The following CNGB3 variants were observed in gnomAD, a reference collection of about 807,000 sequenced individuals.
CNGB3 encodes cyclic nucleotide gated channel subunit beta 3, also known as cyclic nucleotide-gated channel beta-3.
Under a neutral mutation model 92.8 loss-of-function variants are expected in CNGB3, and 86 were observed. The ratio of observed to expected loss-of-function variants is 0.93; its 90% CI spans 0.78 to 1.11. The LOEUF (loss-of-function observed/expected upper bound fraction) is 1.11, where lower values mean the gene tolerates loss of function less well. CNGB3 is among the 50% of genes least tolerant of loss of function. The pLI, the probability that CNGB3 is intolerant of heterozygous loss-of-function variation, is 0.00. For missense variants in CNGB3, 1,026 were observed against 956.8 expected (o/e 1.07, Z -0.95); for synonymous variants, 333 against 332.7 (o/e 1.00, Z -0.01).
chr8:86,714,959 C>T (rs1034441589), intron 3 of CNGB3, among the ~76,000 whole-genome samples: 1 of 152,082 alleles, frequency 6.6e-6, no homozygotes, highest in Non-Finnish European at 1.5e-5. Context: ...GGAAACCACA[C>T]TCCCATCCCC....
At chr8:86,664,807 C>T (rs899027245) in intron 6 of CNGB3, among the ~76,000 whole-genome samples, 7 of 152,040 alleles carry the variant, frequency 4.6e-5, no homozygotes, top group Non-Finnish European at 4.4e-5. Context: ...AGGTGTTCTA[C>T]GTACTTGTGA....
chr8:86,694,476 G>A lies in CNGB3; in HGVS notation c.339-23378C>T, dbSNP rs532755086. Among the ~76,000 whole-genome samples, 5 of 151,718 alleles carry A rather than the reference G, an allele frequency of 3.3e-5. No homozygotes were observed. The East Asian group carries it at 7.9e-4, about 24-fold the overall frequency. On this transcript the variant is annotated intron_variant, in intron 3 of 17. Coordinates refer to ENST00000320005, the MANE Select transcript of CNGB3 (RefSeq NM_019098.5). ...TCACTTCCCAGACGGGGTGGCTGCC[G>A]GACGGAGGGTCTCCTCACTTCTCAG... is the stretch of plus-strand genomic sequence containing the variant.
chr8:86,740,914 G>A (rs758796952), intron 1 of CNGB3, among the ~76,000 whole-genome samples: 1 of 152,098 alleles, frequency 6.6e-6, no homozygotes, highest in African/African-American at 2.4e-5. Context: ...AAGTCCTTTT[G>A]CATCGTTATG....
chr8:86,642,242 A>G (rs1823202925), intron 10 of CNGB3, among the ~76,000 whole-genome samples: 1 of 151,764 alleles, frequency 6.6e-6, no homozygotes, highest in Non-Finnish European at 1.5e-5. Context: ...AAAAACAGCT[A>G]TCAGCCACAG....
At chr8:86,660,760 T>A in intron 6 of CNGB3, 1 of 524,600 alleles carries the variant, frequency 1.9e-6, no homozygotes, top group Non-Finnish European at 3.9e-6. Context: ...GTAACACCAC[T>A]CAAACAAATG....
intron 8 of CNGB3, 53 bp from the exon 9 acceptor site, chr8:86,644,739 A>T: frequency 8.5e-7 from 1 of 1,169,982 alleles, no homozygotes; most frequent in Non-Finnish European, 1.1e-6. Context: ...AAATATATAT[A>T]TTTAAATAAA....
intron 6 of CNGB3, chr8:86,658,298 C>T: frequency 2.0e-6 from 1 of 504,964 alleles, no homozygotes; most frequent in Non-Finnish European, 3.7e-6. Flanking sequence ...CCTCCCGACT[C>T]TCCAGTTCCT....
rs1314695697 is a variant in CNGB3, at chr8:86,685,357, T to G, written c.339-14259A>C. Among the ~76,000 whole-genome samples, 4 of 152,202 alleles carry G rather than the reference T, an allele frequency of 2.6e-5. No homozygotes were observed. In the East Asian group the frequency reaches 7.7e-4, roughly 29 times the overall value. On this transcript the variant is annotated intron_variant, in intron 3 of 17. Coordinates refer to ENST00000320005, the MANE Select transcript of CNGB3 (RefSeq NM_019098.5). Reference sequence around the variant, plus strand: ...TCCCCTGAGCACTTGTCTGGGCCCCTTCCTAGGCCTATTGAATCAGAATCT... The same window carrying G: ...TCCCCTGAGCACTTGTCTGGGCCCCGTCCTAGGCCTATTGAATCAGAATCT...
chr8:86,694,270 A>AG (rs888649476), intron 3 of CNGB3, among the ~76,000 whole-genome samples: 2 of 139,326 alleles, frequency 1.4e-5, no homozygotes, highest in African/African-American at 5.5e-5. Context: ...GGCCGGGCAA[A>AG]GGGGCTCCTC....
At chr8:86,598,897 A>G (rs1459521548) in intron 15 of CNGB3, among the ~76,000 whole-genome samples, 3 of 152,162 alleles carry the variant, frequency 2.0e-5, no homozygotes, top group African/African-American at 4.8e-5. Context: ...GTTAGGTCAC[A>G]TACACAAGTT....
At chr8:86,661,884 AC>A (rs1488162617) in intron 6 of CNGB3, 4 of 929,048 alleles carry the variant, frequency 4.3e-6, no homozygotes, top group Non-Finnish European at 5.3e-6. Flanking sequence ...ATCACAGTCC[AC>A]AAACCATATT....
chr8:86,694,379 G>A (rs1490904253), intron 3 of CNGB3, among the ~76,000 whole-genome samples: 1 of 151,268 alleles, frequency 6.6e-6, no homozygotes, highest in Non-Finnish European at 1.5e-5. Flanking sequence ...CTCCCGGACG[G>A]GGTGGCTGGC....
At chr8:86,696,141 A>T (rs1824445783) in intron 3 of CNGB3, among the ~76,000 whole-genome samples, 1 of 152,178 alleles carries the variant, frequency 6.6e-6, no homozygotes, top group Admixed American at 6.5e-5. Context: ...GCTAGCAGTC[A>T]AGTTGTCATG....
chr8:86,696,948 A>T (rs1383343526), intron 3 of CNGB3, among the ~76,000 whole-genome samples: 1 of 152,196 alleles, frequency 6.6e-6, no homozygotes, highest in African/African-American at 2.4e-5. Context: ...AACCCTCATG[A>T]TAAGCTCAAA....
intron 3 of CNGB3, among the ~76,000 whole-genome samples, chr8:86,717,986 A>G (rs2131664594): frequency 6.6e-6 from 1 of 152,320 alleles, no homozygotes; most frequent in Middle Eastern, 3.4e-3. Flanking sequence ...GACACAACCT[A>G]TCAAAACCCC....
intron 10 of CNGB3, among the ~76,000 whole-genome samples, chr8:86,639,817 A>T (rs1352655394): frequency 6.6e-6 from 1 of 152,142 alleles, no homozygotes; most frequent in Non-Finnish European, 1.5e-5. Flanking sequence ...TGTCCCTGAC[A>T]GTTGGTAACA....
chr8:86,706,282 T>C (rs568532787), intron 3 of CNGB3, among the ~76,000 whole-genome samples: 1 of 152,224 alleles, frequency 6.6e-6, no homozygotes, highest in Non-Finnish European at 1.5e-5. Context: ...TCCCCTTAGA[T>C]TAATGTCTGA....
chr8:86,679,385 T>A lies in CNGB3; in HGVS notation c.339-8287A>T, dbSNP rs557726650. Among the ~76,000 whole-genome samples, 6 of 152,266 alleles carry A rather than the reference T, an allele frequency of 3.9e-5. No homozygotes were observed. In the East Asian group the frequency reaches 1.2e-3, roughly 29 times the overall value. ...ATTTTGTTCCCCCAAAATTCATATGTTGTAGTCCTAACCCCTAATGTGACT... is the reference window on the plus strand; with the variant it reads ...ATTTTGTTCCCCCAAAATTCATATGATGTAGTCCTAACCCCTAATGTGACT... On this transcript the variant is annotated intron_variant, in intron 3 of 17. Transcript: ENST00000320005.
At chr8:86,649,235 C>A (rs181545058) in intron 7 of CNGB3, among the ~76,000 whole-genome samples, 1 of 151,506 alleles carries the variant, frequency 6.6e-6, no homozygotes, top group Non-Finnish European at 1.5e-5. Context: ...GTAAAAATGA[C>A]GATACTGCCA....
Sources: gnomAD v4.1 joint callset for allele counts (sites outside exome capture counted in the v4.1 genomes callset) on GRCh38, gnomAD v4.1.1 for gene constraint, MANE v1.5 for transcripts, NCBI Gene and HGNC (gene_info 2026-07-23, HGNC 2026-07-21) for gene names.